Variants in RHOJ observed in about 807,000 individuals in gnomAD.
RHOJ encodes the protein rho-related GTP-binding protein RhoJ.
Under a neutral mutation model 23.4 loss-of-function variants are expected in RHOJ, and 11 were observed. The ratio of observed to expected loss-of-function variants is 0.47; its 90% confidence interval spans 0.30 to 0.78. The LOEUF (loss-of-function observed/expected upper bound fraction) is 0.78. Among genes scored for constraint, RHOJ ranks in the 30% least tolerant of loss-of-function variants. RHOJ has a pLI of 0.08. For missense variants in RHOJ, 254 were observed against 273.4 expected, an observed-to-expected ratio of 0.93 and a Z score of 0.50; for synonymous variants, 102 against 102.7, an observed-to-expected ratio of 0.99 and a Z score of 0.04.
chr14:63,246,435 T>C (rs1894977289), intron 1 of RHOJ, among the ~76,000 whole-genome samples: 1 of 152,198 alleles, frequency 6.6e-6, no homozygotes, highest in Non-Finnish European at 1.5e-5. Flanking sequence ...AGCCTGGACT[T>C]TGAAACCAGA....
At chr14:63,228,963 C>A (rs555628481) in intron 1 of RHOJ, among the ~76,000 whole-genome samples, 1 of 152,288 alleles carries the variant, frequency 6.6e-6, no homozygotes, top group African/African-American at 2.4e-5. Flanking sequence ...CTTCTTCTGA[C>A]CTGTCATAGC....
At chr14:63,284,029 T>G (rs1881996450) in intron 4 of RHOJ, among the ~76,000 whole-genome samples, 1 of 152,226 alleles carries the variant, frequency 6.6e-6, no homozygotes, top group African/African-American at 2.4e-5. Flanking sequence ...GTCATAAATC[T>G]ATTGACCCAG....
chr14:63,239,029 T>C (rs957304028), intron 1 of RHOJ, among the ~76,000 whole-genome samples: 4 of 152,206 alleles, frequency 2.6e-5, no homozygotes, highest in Non-Finnish European at 5.9e-5. Flanking sequence ...CAACTTAGCA[T>C]GCGGTCTCTC....
intron 1 of RHOJ, among the ~76,000 whole-genome samples, chr14:63,234,440 A>G (rs1166107860): frequency 6.6e-6 from 1 of 152,204 alleles, no homozygotes; most frequent in African/African-American, 2.4e-5. Flanking sequence ...AATGCCTTGG[A>G]TAAGTGAAAA....
Position 63,205,003 on chromosome 14 carries a change from C to T in RHOJ, c.134C>T (p.Ala45Val). ...CTGCTGATGAGCTACGCCAACGACGCCTTCCCAGAGGAATACGTGCCCACT... is the reference window on the plus strand; with the variant it reads ...CTGCTGATGAGCTACGCCAACGACGTCTTCCCAGAGGAATACGTGCCCACT... ...TCLLMSYAND[A>V]FPEEYVPTVF... The change falls in exon 1 of 5, where the codon GCC becomes GTC. Residue 45 changes from alanine to valine, a missense_variant. By Grantham distance (64) the Ala-to-Val change is moderately conservative. Coordinates refer to ENST00000316754, the MANE Select transcript of RHOJ (RefSeq NM_020663.5). The T allele has an allele frequency of 6.2e-7, 1 of 1,614,202 alleles. No homozygotes were observed.
chr14:63,290,539 T>G (rs1008314027), intron 4 of RHOJ, among the ~76,000 whole-genome samples: 1 of 152,200 alleles, frequency 6.6e-6, no homozygotes, highest in Non-Finnish European at 1.5e-5. Flanking sequence ...TCATTGGTTT[T>G]GAATTGTCTC....
At chr14:63,244,126 C>A (rs997211401) in intron 1 of RHOJ, among the ~76,000 whole-genome samples, 3 of 152,176 alleles carry the variant, frequency 2.0e-5, no homozygotes, top group Non-Finnish European at 1.5e-5. Context: ...GCTTCGACTT[C>A]ATAGATTTGT....
At chr14:63,219,056 T>A (rs1203977647) in intron 1 of RHOJ, among the ~76,000 whole-genome samples, 8 of 152,226 alleles carry the variant, frequency 5.3e-5, no homozygotes, top group Non-Finnish European at 1.2e-4. Context: ...CTTTGTGATA[T>A]CCTTACTGCC....
intron 1 of RHOJ, among the ~76,000 whole-genome samples, chr14:63,244,703 C>G (rs754124494): frequency 5.3e-4 from 81 of 152,220 alleles, no homozygotes; most frequent in Non-Finnish European, 9.3e-4. Flanking sequence ...CACATTATCT[C>G]TAATCCTTGC....
intron 1 of RHOJ, among the ~76,000 whole-genome samples, chr14:63,214,539 C>A (rs1894310126): frequency 6.6e-6 from 1 of 152,132 alleles, no homozygotes; most frequent in Non-Finnish European, 1.5e-5. Flanking sequence ...GCCTTTAGTG[C>A]CTCTTGGAAA....
chr14:63,256,744 C>G, intron 1 of RHOJ, among the ~76,000 whole-genome samples: 1 of 152,154 alleles, frequency 6.6e-6, no homozygotes, highest in Non-Finnish European at 1.5e-5. Flanking sequence ...TTAAGACTAG[C>G]CTGGCCAACA....
At position 63,283,770 on chromosome 14, in the gene RHOJ, C is replaced by T. The variant is rs181239241; in HGVS notation, c.498+554C>T. Among the ~76,000 whole-genome samples the T allele has an allele frequency of 1.2e-4, 19 of 152,312 alleles. No homozygotes were observed. In the East Asian group the frequency reaches 3.5e-3, roughly 28 times the overall value. Reference sequence around the variant, plus strand: ...AGTGACTAGCTGGGGATCTAAGTGGCTGTTTGGCAGATAATAGCTCAGAGC... The same window carrying T: ...AGTGACTAGCTGGGGATCTAAGTGGTTGTTTGGCAGATAATAGCTCAGAGC... On this transcript the variant is annotated intron_variant, in intron 4 of 4. Coordinates refer to ENST00000316754, the MANE Select transcript of RHOJ (RefSeq NM_020663.5).
chr14:63,208,808 G>C (rs903081292), intron 1 of RHOJ, among the ~76,000 whole-genome samples: 6 of 152,060 alleles, frequency 3.9e-5, no homozygotes, highest in Non-Finnish European at 7.4e-5. Flanking sequence ...AAAACTTGTA[G>C]CTCCATCATC....
chr14:63,240,064 A>G (rs10483765), intron 1 of RHOJ, among the ~76,000 whole-genome samples: 8,720 of 152,284 alleles, frequency 0.057, 328 homozygotes, highest in East Asian at 0.21. Context: ...TACTCTGTAA[A>G]TATGGTAGAA....
chr14:63,289,636 A>G (rs1193391433), intron 4 of RHOJ, among the ~76,000 whole-genome samples: 2 of 152,256 alleles, frequency 1.3e-5, no homozygotes, highest in African/African-American at 4.8e-5. Flanking sequence ...CTCCTTCACA[A>G]GAAGCTGACT....
At chr14:63,229,475 T>C (rs1894651781) in intron 1 of RHOJ, among the ~76,000 whole-genome samples, 1 of 152,186 alleles carries the variant, frequency 6.6e-6, no homozygotes. Flanking sequence ...GAGAAGAATC[T>C]GCTTCTAAGC....
rs182984474 is a variant in RHOJ, at chr14:63,267,256, G to A, written c.179-1854G>A. ...AGCTGCCATAGGAGAAAAGGGTGAG[G>A]CCCGAGGAAAAACAGACTGGAGAGA... On this transcript the variant is annotated intron_variant, in intron 1 of 4. Transcript: ENST00000316754. 2.2e-4 allele frequency among the ~76,000 whole-genome samples: 33 copies of A among 152,308 alleles called. No homozygotes were observed. The East Asian group carries it at 6.2e-3, about 28-fold the overall frequency.
intron 1 of RHOJ, among the ~76,000 whole-genome samples, chr14:63,259,238 C>T (rs1036644785): frequency 6.6e-6 from 1 of 152,184 alleles, no homozygotes. Context: ...ATTAATTGTA[C>T]CTTACCTAAA....
intron 1 of RHOJ, among the ~76,000 whole-genome samples, chr14:63,253,655 G>A (rs940616888): frequency 1.3e-5 from 2 of 152,134 alleles, no homozygotes; most frequent in Admixed American, 6.6e-5. Context: ...AGCACTTATT[G>A]ATTTGTAAGG....
Sources: allele counts gnomAD v4.1 joint callset (sites outside exome capture counted in the v4.1 genomes callset), GRCh38; gene constraint gnomAD v4.1.1; transcripts MANE v1.5; gene names NCBI Gene and HGNC (gene_info 2026-07-23, HGNC 2026-07-21).